TET3: variants seen among roughly 807,000 people sequenced by gnomAD.
TET3 encodes the protein methylcytosine dioxygenase TET3.
TET3 carries 19 observed loss-of-function variants against 141.4 expected under a neutral mutation model. The ratio of observed to expected loss-of-function variants is 0.13; its 90% confidence interval spans 0.09 to 0.20. TET3 has a LOEUF of 0.20. Among genes scored for constraint, TET3 ranks in the 10% least tolerant of loss-of-function variants. TET3 has a pLI of 1.00. For synonymous variants in TET3, 1,043 were observed against 980.9 expected (o/e 1.06, Z -1.18); for missense variants, 1,874 against 2,356.9 (o/e 0.80, Z 4.24).
the TET3 span, among the ~76,000 whole-genome samples, chr2:74,125,149 G>A: frequency 3.3e-5 from 5 of 151,882 alleles, no homozygotes; most frequent in Non-Finnish European, 5.9e-5. Context: ...TGGGATTACA[G>A]GTGCCTGCCA....
chr2:74,101,421 G>T lies in TET3; in HGVS notation c.4633G>T (p.Ala1545Ser), dbSNP rs773545694. 2.5e-6 allele frequency: 4 copies of T among 1,613,940 alleles called. No individual in the cohort carries two copies. The highest frequency in any genetic ancestry group is 2.7e-5 in the African/African-American group (2 of 75,058). Reference protein sequence around the residue: ...WALGAGDFNSALKGSPGFQDK... With the variant: ...WALGAGDFNSSLKGSPGFQDK... ...GCTGGGGGCAGGGGATTTCAACTCG[G>T]CCCTGAAAGGTAGTCCTGGGTTCCA... The change falls in exon 12 of 12, where the codon GCC becomes TCC. Residue 1545 changes from alanine to serine, a missense_variant. Ala to Ser is a moderately conservative substitution (Grantham distance 99). Transcript: ENST00000409262. The surrounding 1 kb of genome is among the most constrained non-coding windows in gnomAD (Gnocchi z 8.5).
chr2:74,025,391 C>T (rs1000834319), intron 3 of TET3, among the ~76,000 whole-genome samples: 2 of 150,860 alleles, frequency 1.3e-5, no homozygotes, highest in Non-Finnish European at 1.5e-5. Flanking sequence ...CGGCTTCACG[C>T]CATTCTCCTG....
chr2:73,984,461 C>A (rs1415985342), upstream of TET3, among the ~76,000 whole-genome samples: 1 of 152,168 alleles, frequency 6.6e-6, no homozygotes, highest in African/African-American at 2.4e-5. The surrounding 1 kb of genome is among the most constrained non-coding windows in gnomAD (Gnocchi z 5.6). Context: ...GGGGGTCAGT[C>A]GGGCCCGGCG....
At chr2:73,988,758 A>C (rs546765005) in intron 2 of TET3, among the ~76,000 whole-genome samples, 20 of 152,312 alleles carry the variant, frequency 1.3e-4, no homozygotes, top group African/African-American at 4.6e-4. Flanking sequence ...GAGAAACAAA[A>C]GGGGACAGTG....
At chr2:74,078,390 C>A (rs1415186052) in intron 5 of TET3, among the ~76,000 whole-genome samples, 3 of 152,032 alleles carry the variant, frequency 2.0e-5, no homozygotes, top group Non-Finnish European at 4.4e-5. Context: ...AGTTTTAAAC[C>A]AAATGTGGTC....
the TET3 span, among the ~76,000 whole-genome samples, chr2:74,133,367 C>A: frequency 7.4e-4 from 112 of 152,328 alleles, no homozygotes; most frequent in African/African-American, 2.6e-3. Context: ...TTCACAGTTT[C>A]TCTTGGTCAG....
At chr2:74,063,909 AT>A (rs1472808176) in intron 4 of TET3, among the ~76,000 whole-genome samples, 35 of 151,666 alleles carry the variant, frequency 2.3e-4, no homozygotes, top group Admixed American at 5.2e-4. Flanking sequence ...AAAAAAAAAA[AT>A]AAGTAAAATA....
intron 3 of TET3, among the ~76,000 whole-genome samples, chr2:74,033,468 A>G (rs1261647613): frequency 6.6e-6 from 1 of 152,194 alleles, no homozygotes; most frequent in African/African-American, 2.4e-5. Context: ...TCACTTTTTC[A>G]TTTAATACAT....
chr2:74,126,043 T>C, the TET3 span, among the ~76,000 whole-genome samples: 2 of 152,236 alleles, frequency 1.3e-5, no homozygotes, highest in African/African-American at 4.8e-5. Context: ...CTCACCCTTT[T>C]TGAGTACAGA....
At chr2:74,089,538 C>G (rs1362383514) in intron 7 of TET3, among the ~76,000 whole-genome samples, 1 of 152,162 alleles carries the variant, frequency 6.6e-6, no homozygotes, top group African/African-American at 2.4e-5. Flanking sequence ...CATCATTTCC[C>G]TGTTCATATG....
intron 6 of TET3, among the ~76,000 whole-genome samples, chr2:74,084,104 A>G (rs1420269795): frequency 6.6e-6 from 1 of 152,168 alleles, no homozygotes; most frequent in Non-Finnish European, 1.5e-5. Flanking sequence ...GAATAATACA[A>G]TTGATGCTTT....
upstream of TET3, among the ~76,000 whole-genome samples, chr2:73,984,856 T>TCCCGGGCGGGGGAGTC (rs1254406472): frequency 2.1e-5 from 3 of 145,182 alleles, no homozygotes; most frequent in Non-Finnish European, 4.6e-5. This position sits in a 1 kb window ranked among gnomAD's most constrained non-coding sequence, Gnocchi z 5.6. Context: ...GTGTGCGCCC[T>TCCCGGGCGGGGGAGTC]CCCGGGCGGG....
chr2:74,000,869 C>T (rs1478061831), intron 2 of TET3, among the ~76,000 whole-genome samples: 2 of 152,116 alleles, frequency 1.3e-5, no homozygotes, highest in Non-Finnish European at 2.9e-5. Context: ...CAGGGCCTGG[C>T]ATGTAGCAGG....
intron 10 of TET3, among the ~76,000 whole-genome samples, chr2:74,095,815 C>T (rs757451460): frequency 1.3e-5 from 2 of 152,222 alleles, no homozygotes; most frequent in African/African-American, 2.4e-5. Flanking sequence ...ATTCTTCTCA[C>T]GTATTTGTGC....
chr2:74,031,047 A>C (rs1340540571), intron 3 of TET3, among the ~76,000 whole-genome samples: 2 of 152,234 alleles, frequency 1.3e-5, no homozygotes, highest in East Asian at 3.9e-4. Context: ...GATGGGCTTA[A>C]GTTGCATTCA....
chr2:74,080,689 C>G, intron 6 of TET3, 98 bp downstream of exon 6: 26 of 786,270 alleles, frequency 3.3e-5, no homozygotes, highest in South Asian at 1.0e-4. Flanking sequence ...TGTAGCTGAG[C>G]AGGCGAGGGC....
chr2:74,123,401 G>A, the TET3 span, among the ~76,000 whole-genome samples: 3 of 151,578 alleles, frequency 2.0e-5, no homozygotes, highest in Non-Finnish European at 2.9e-5. Context: ...GGCGGATCAC[G>A]AGTTCAGGAG....
At chr2:74,119,288 G>A in the TET3 span, among the ~76,000 whole-genome samples, 2 of 151,342 alleles carry the variant, frequency 1.3e-5, no homozygotes, top group Admixed American at 6.6e-5. Flanking sequence ...GGGAGGCGGA[G>A]GTTGCAGTGA....
rs571311594 is a variant in TET3, at chr2:74,106,333, T to C, written c.*4157T>C. The C allele has an allele frequency of 6.5e-6, 1 of 152,922 alleles. No homozygotes were observed. Among genetic ancestry groups the C allele is most frequent in the East Asian group, 1.9e-4 (1 of 5,188 alleles). The allele number at this position is 152,922 out of a possible 1,614,324, so 9.5% of individuals were successfully genotyped here. ...ATGTGAAAGAAAGGGCGAAGGGTTT[T>C]TTGAGTTTTTGTTTTTGAGGAAGGG... On this transcript the variant is annotated 3_prime_UTR_variant, in exon 12 of 12. Coordinates refer to ENST00000409262, the MANE Select transcript of TET3 (RefSeq NM_001287491.2).
Sources: gnomAD v4.1 joint callset for allele counts (sites outside exome capture counted in the v4.1 genomes callset) on GRCh38, gnomAD v4.1.1 for gene constraint, Gnocchi (gnomAD v3.1) non-coding constraint, MANE v1.5 for transcripts, NCBI Gene and HGNC (gene_info 2026-07-23, HGNC 2026-07-21) for gene names.